MIR2052HG: variants seen among roughly 807,000 people sequenced by gnomAD.
MIR2052HG encodes MIR2052 host gene.
intron 4 of MIR2052HG, among the ~76,000 whole-genome samples, chr8:74,728,983 G>A (rs571141712): frequency 5.9e-5 from 9 of 152,236 alleles, no homozygotes; most frequent in African/African-American, 2.2e-4. Context: ...GTTTCATTAG[G>A]AGCAGATGTA....
At chr8:74,703,066 C>T (rs952560499) in intron 3 of MIR2052HG, among the ~76,000 whole-genome samples, 18 of 151,950 alleles carry the variant, frequency 1.2e-4, no homozygotes, top group African/African-American at 3.6e-4. Flanking sequence ...GTGGAAAGAT[C>T]CTAGAGTAGC....
chr8:74,633,575 T>C (rs1466488959), intron 2 of MIR2052HG, among the ~76,000 whole-genome samples: 2 of 152,254 alleles, frequency 1.3e-5, no homozygotes, highest in African/African-American at 4.8e-5. Context: ...GATTGATTTC[T>C]AGCATTGTCA....
chr8:74,742,370 C>A (rs866555787), intron 4 of MIR2052HG, among the ~76,000 whole-genome samples: 3 of 152,078 alleles, frequency 2.0e-5, no homozygotes, highest in Non-Finnish European at 2.9e-5. Context: ...TCAAATAATG[C>A]CATTCTTATA....
chr8:74,626,591 AG>A (rs1270548330), intron 2 of MIR2052HG, among the ~76,000 whole-genome samples: 21 of 152,236 alleles, frequency 1.4e-4, no homozygotes, highest in African/African-American at 4.8e-4. Flanking sequence ...ATTGAATTTC[AG>A]GGCTCTAAGC....
At chr8:74,709,422 A>G (rs112237961) in intron 4 of MIR2052HG, among the ~76,000 whole-genome samples, 29 of 152,160 alleles carry the variant, frequency 1.9e-4, no homozygotes, top group African/African-American at 6.7e-4. Context: ...AATAGACAAC[A>G]TCAGACCTTT....
intron 4 of MIR2052HG, among the ~76,000 whole-genome samples, chr8:74,743,316 G>A (rs1809851641): frequency 1.3e-5 from 2 of 152,256 alleles, no homozygotes; most frequent in South Asian, 4.1e-4. Flanking sequence ...GTTATAGCAT[G>A]TTTGTTTATA....
chr8:74,732,980 T>C (rs1265371776), intron 4 of MIR2052HG, among the ~76,000 whole-genome samples: 1 of 152,144 alleles, frequency 6.6e-6, no homozygotes, highest in Non-Finnish European at 1.5e-5. Context: ...TTATCTGGTT[T>C]AGGTTTTACA....
rs113490826 is a variant in MIR2052HG at position 74,603,894 on chromosome 8, A to T, written n.128+3986A>T. The T allele has an allele frequency of 1.5e-5, 17 of 1,099,654 alleles. 1 individual carries two copies. The highest frequency in any genetic ancestry group is 7.4e-5 in the South Asian group (6 of 80,676). The allele number at this position is 1,099,654 out of a possible 1,614,324, so 68.1% of individuals were successfully genotyped here. A position where few individuals can be genotyped will look rare whatever the true frequency, so the allele number is the denominator to read the frequency against. On this transcript the variant is annotated intron_variant and non_coding_transcript_variant, in intron 1 of 6. Coordinates refer to ENST00000523442, the Ensembl canonical transcript of MIR2052HG. Reference sequence around the variant, plus strand: ...TCTCTCGTATTTCCTTGATCTTGCAACCACCTTTTCCAATGAGAGAGCCAC... The same window carrying T: ...TCTCTCGTATTTCCTTGATCTTGCATCCACCTTTTCCAATGAGAGAGCCAC...
intron 2 of MIR2052HG, among the ~76,000 whole-genome samples, chr8:74,635,438 A>G (rs540439974): frequency 6.6e-6 from 1 of 152,252 alleles, no homozygotes; most frequent in South Asian, 2.1e-4. Context: ...TAAGTTTGGG[A>G]TCCACAGATA....
At chr8:74,608,033 ACT>A (rs1808137507) in intron 1 of MIR2052HG, among the ~76,000 whole-genome samples, 1 of 152,106 alleles carries the variant, frequency 6.6e-6, no homozygotes, top group Non-Finnish European at 1.5e-5. Context: ...GTGTCCAAAA[ACT>A]CTCCAGGTGG....
exon 6 of MIR2052HG, chr8:74,758,129 G>A (rs1302707186): frequency 6.6e-6 from 1 of 151,966 alleles, no homozygotes; most frequent in East Asian, 1.9e-4. Flanking sequence ...AATAGTCACA[G>A]CCCATGGAAT....
intron 1 of MIR2052HG, among the ~76,000 whole-genome samples, chr8:74,604,967 C>G (rs1249030111): frequency 6.6e-5 from 10 of 151,702 alleles, no homozygotes; most frequent in Admixed American, 6.6e-4. Flanking sequence ...GCATGAGATT[C>G]AATAACTGTC....
intron 2 of MIR2052HG, among the ~76,000 whole-genome samples, chr8:74,637,996 T>C (rs1808600565): frequency 6.6e-6 from 1 of 152,174 alleles, no homozygotes; most frequent in Admixed American, 6.6e-5. Context: ...CTCATGGCAT[T>C]GATAGATATT....
intron 2 of MIR2052HG, among the ~76,000 whole-genome samples, chr8:74,673,964 A>G (rs1167652039): frequency 6.7e-6 from 1 of 148,458 alleles, no homozygotes; most frequent in African/African-American, 2.5e-5. Context: ...GAGCAGGGCT[A>G]TCCTCTAAGC....
rs562198701 is a variant in MIR2052HG at position 74,616,106 on chromosome 8, A to G, written n.216+3166A>G. Among the ~76,000 whole-genome samples the G allele has an allele frequency of 4.0e-4, 61 of 152,260 alleles. 1 individual carries two copies. The highest frequency in any genetic ancestry group is 1.4e-3 in the African/African-American group (60 of 41,542). On this transcript the variant is annotated intron_variant and non_coding_transcript_variant, in intron 2 of 6. Transcript: ENST00000523442. ...ATGTGTCTTTATAGCAGCATGATTT[A>G]TAATCCTTTGGGTATATACCCAGTA... is the stretch of plus-strand genomic sequence containing the variant.
intron 4 of MIR2052HG, among the ~76,000 whole-genome samples, chr8:74,736,014 T>C (rs1425597896): frequency 6.6e-6 from 1 of 152,192 alleles, no homozygotes; most frequent in African/African-American, 2.4e-5. Context: ...TTTTAAGTAA[T>C]TGAAAGTATC....
intron 2 of MIR2052HG, among the ~76,000 whole-genome samples, chr8:74,694,219 C>T (rs1809272339): frequency 6.6e-6 from 1 of 152,174 alleles, no homozygotes; most frequent in Admixed American, 6.5e-5. Context: ...CAGCCGAGAG[C>T]CTGGTAGCTC....
intron 2 of MIR2052HG, among the ~76,000 whole-genome samples, chr8:74,688,070 A>G (rs1312165260): frequency 6.6e-6 from 1 of 152,172 alleles, no homozygotes; most frequent in Non-Finnish European, 1.5e-5. Flanking sequence ...TACAAGAGAG[A>G]ACATACTTTG....
chr8:74,695,634 G>A lies in MIR2052HG; in HGVS notation n.217-6745G>A, dbSNP rs532422765. On this transcript the variant is annotated intron_variant and non_coding_transcript_variant, in intron 2 of 6. Transcript: ENST00000523442. ...CGGAAAATGTTATTCCATGCAAATG[G>A]ACACCAAAAGTGAGCAGGAGTAGCT... is the stretch of plus-strand genomic sequence containing the variant. Among the ~76,000 whole-genome samples, 24 of 151,734 alleles carry A rather than the reference G, an allele frequency of 1.6e-4. No individual in the cohort carries two copies. In the East Asian group the frequency reaches 4.6e-3, roughly 29 times the overall value.
Sources: gnomAD v4.1 joint callset for allele counts (sites outside exome capture counted in the v4.1 genomes callset) on GRCh38, gnomAD v4.1.1 for gene constraint, MANE v1.5 for transcripts, NCBI Gene and HGNC (gene_info 2026-07-23, HGNC 2026-07-21) for gene names.